ABAT: variants seen among roughly 807,000 people sequenced by gnomAD.
ABAT encodes 4-aminobutyrate aminotransferase, mitochondrial.
Under a neutral mutation model 64.6 loss-of-function variants are expected in ABAT, and 45 were observed. The observed-to-expected ratio is 0.70, with a 90% confidence interval of 0.55 to 0.89. The LOEUF (loss-of-function observed/expected upper bound fraction) is 0.89, where lower values mean the gene tolerates loss of function less well. Among genes scored for constraint, ABAT ranks in the 40% least tolerant of loss-of-function variants. The pLI, the probability that ABAT is intolerant of heterozygous loss-of-function variation, is 0.00. For missense variants in ABAT, 633 were observed against 658.4 expected (o/e 0.96, Z 0.42); for synonymous variants, 297 against 250.5 (o/e 1.19, Z -1.75).
In ABAT at chr16:8,781,519, T is replaced by C. The variant is rs1251930103; in HGVS notation, c.*89T>C. 13 of 1,573,318 alleles carry C rather than the reference T, an allele frequency of 8.3e-6. No homozygotes were observed. Among genetic ancestry groups the C allele is most frequent in the Non-Finnish European group, 1.0e-5 (12 of 1,150,952 alleles). On this transcript the variant is annotated 3_prime_UTR_variant, in exon 16 of 16. Coordinates refer to ENST00000268251, the MANE Select transcript of ABAT (RefSeq NM_020686.6). The surrounding 1 kb of genome is among the most constrained non-coding windows in gnomAD (Gnocchi z 4.5). ...CCTAATTCATGTTTTCACTTAAAAG[T>C]ATCAGAGGTGAATGCACAGTGAAGG... is the stretch of plus-strand genomic sequence containing the variant.
intron 1 of ABAT, among the ~76,000 whole-genome samples, chr16:8,684,700 A>G (rs3108683): frequency 0.96 from 143,251 of 149,468 alleles, 68,724 homozygotes; most frequent in East Asian, 1. Context: ...TCCAGCGTGG[A>G]CAACAGAGTG....
In ABAT at chr16:8,680,586, C is replaced by T. The variant is rs113976833; in HGVS notation, c.-42+5875C>T. 8.7e-4 allele frequency among the ~76,000 whole-genome samples: 133 copies of T among 152,130 alleles called. 2 individuals are homozygous for T. The East Asian group carries it at 0.015, about 17-fold the overall frequency. ...TACATGTGTGGGCCACAACCACGCCCGGCTAATTTTTTTGTATTTTTAGTA... is the reference window on the plus strand; with the variant it reads ...TACATGTGTGGGCCACAACCACGCCTGGCTAATTTTTTTGTATTTTTAGTA... On this transcript the variant is annotated intron_variant, in intron 1 of 15. Transcript: ENST00000268251.
At chr16:8,679,386 G>A (rs79321256) in intron 1 of ABAT, among the ~76,000 whole-genome samples, 1,639 of 152,170 alleles carry the variant, frequency 0.011, 38 homozygotes, top group African/African-American at 0.038. Flanking sequence ...TGAGCACCTA[G>A]AGGGATCCTG....
chr16:8,710,894 A>C (rs553256430), intron 1 of ABAT, among the ~76,000 whole-genome samples: 5 of 152,310 alleles, frequency 3.3e-5, no homozygotes, highest in African/African-American at 1.2e-4. Flanking sequence ...CTTTAGAACA[A>C]GAGAGAAGAC....
intron 1 of ABAT, among the ~76,000 whole-genome samples, chr16:8,720,372 C>T (rs918413460): frequency 2.0e-5 from 3 of 152,364 alleles, no homozygotes; most frequent in Admixed American, 1.3e-4. Context: ...CCACATCATT[C>T]TCAGTCTTTC....
chr16:8,724,732 AAAAAAAAAAAAAAC>A (rs1315336161), intron 1 of ABAT, among the ~76,000 whole-genome samples: 147 of 4,038 alleles, frequency 0.036, 2 homozygotes, highest in Middle Eastern at 0.25. Context: ...TTGTCTCAGG[AAAAAAAAAAAAAAC>A]AAAAAAAAAA....
intron 1 of ABAT, among the ~76,000 whole-genome samples, chr16:8,723,486 A>C (rs939435135): frequency 3.3e-5 from 5 of 152,132 alleles, no homozygotes; most frequent in Non-Finnish European, 7.4e-5. Flanking sequence ...AAGTCTGCCT[A>C]TCTGTGGGGC....
At chr16:8,679,750 A>G (rs2057289138) in intron 1 of ABAT, among the ~76,000 whole-genome samples, 2 of 152,058 alleles carry the variant, frequency 1.3e-5, no homozygotes, top group Admixed American at 6.6e-5. Flanking sequence ...TGAGGCCCCA[A>G]GAATGCTTAG....
intron 1 of ABAT, among the ~76,000 whole-genome samples, chr16:8,723,897 G>A (rs78531922): frequency 0.067 from 8,863 of 132,292 alleles, 392 homozygotes; most frequent in East Asian, 0.22. Flanking sequence ...CTGGAGTGCA[G>A]TGGCATGATC....
chr16:8,769,043 G>C (rs962364614), intron 11 of ABAT, 70 bp downstream of exon 11: 2 of 1,603,768 alleles, frequency 1.2e-6, no homozygotes, highest in Admixed American at 1.7e-5. Context: ...AAGACTTGGG[G>C]AGAAGAGAAA....
chr16:8,722,991 C>T, intron 1 of ABAT: 2 of 655,038 alleles, frequency 3.1e-6, no homozygotes, highest in Non-Finnish European at 4.7e-6. Context: ...GTAATTCCAG[C>T]ACTCTGGGAG....
intron 10 of ABAT, 151 bp from the exon 11 acceptor site, chr16:8,768,674 T>C: frequency 8.9e-7 from 1 of 1,118,728 alleles, no homozygotes; most frequent in Middle Eastern, 2.1e-4. Context: ...AAATTAAAAA[T>C]TAAACGATAA....
intron 1 of ABAT, among the ~76,000 whole-genome samples, chr16:8,697,464 GA>G (rs1268321748): frequency 3.9e-5 from 6 of 152,120 alleles, no homozygotes; most frequent in Non-Finnish European, 7.3e-5. Context: ...AAGTGGCTTG[GA>G]TTCAGGTGGA....
intron 1 of ABAT, among the ~76,000 whole-genome samples, chr16:8,683,826 G>A (rs2057390078): frequency 6.6e-6 from 1 of 151,874 alleles, no homozygotes; most frequent in Non-Finnish European, 1.5e-5. Context: ...CCCTTTTGAT[G>A]GCTTATCTGG....
chr16:8,726,801 C>T (rs1238593142), intron 1 of ABAT, among the ~76,000 whole-genome samples: 2 of 152,166 alleles, frequency 1.3e-5, no homozygotes, highest in Non-Finnish European at 2.9e-5. Flanking sequence ...AGTTTACATT[C>T]CCACTAACAA....
At chr16:8,736,724 C>G (rs945239374) in intron 2 of ABAT, 8 of 152,150 alleles carry the variant, frequency 5.3e-5, no homozygotes, top group African/African-American at 1.9e-4. Flanking sequence ...GGGAGGGAGG[C>G]TCAAGTGAAT....
intron 1 of ABAT, among the ~76,000 whole-genome samples, chr16:8,678,588 G>T (rs2057257922): frequency 6.6e-6 from 1 of 152,240 alleles, no homozygotes; most frequent in South Asian, 2.1e-4. Flanking sequence ...CTTCAGATTA[G>T]TTATCAGGGT....
Position 8,716,596 on chromosome 16 carries a change from C to G in ABAT, c.-41-19103C>G, listed in dbSNP as rs577259165. On this transcript the variant is annotated intron_variant, in intron 1 of 15. Coordinates refer to ENST00000268251, the MANE Select transcript of ABAT (RefSeq NM_020686.6). ...AAGATCCCCCCATGTCACTGACTTG[C>G]AATTCGTAACCATTTTCTCACAAGG... Among the ~76,000 whole-genome samples the G allele has an allele frequency of 3.3e-5, 5 of 152,302 alleles. No individual in the cohort carries two copies. The East Asian group carries it at 9.6e-4, about 29-fold the overall frequency.
intron 4 of ABAT, among the ~76,000 whole-genome samples, chr16:8,749,830 C>G (rs1176776030): frequency 2.0e-5 from 3 of 152,122 alleles, no homozygotes; most frequent in African/African-American, 7.2e-5. Flanking sequence ...TCTCCTGCCT[C>G]AGTCTTCTGA....
Sources: allele counts gnomAD v4.1 joint callset (sites outside exome capture counted in the v4.1 genomes callset), GRCh38; gene constraint gnomAD v4.1.1; non-coding constraint Gnocchi (gnomAD v3.1); transcripts MANE v1.5; gene names NCBI Gene and HGNC (gene_info 2026-07-23, HGNC 2026-07-21).